ARFGAP2: variants seen among roughly 807,000 people sequenced by gnomAD.
The protein encoded by ARFGAP2 is ARF GTPase activating protein 2.
A neutral mutation model predicts 71.9 loss-of-function variants in ARFGAP2; 45 were observed. The ratio of observed to expected loss-of-function variants is 0.63; its 90% CI spans 0.49 to 0.80. The LOEUF is 0.80. Among genes scored for constraint, ARFGAP2 ranks in the 30% least tolerant of loss-of-function variants. ARFGAP2 has a pLI of 0.00. For synonymous variants in ARFGAP2, 248 were observed against 249.2 expected (o/e 1.00, Z 0.05); for missense variants, 633 against 673.9 (o/e 0.94, Z 0.67).
chr11:47,176,267 C>T lies in ARFGAP2; in HGVS notation c.191+249G>A, dbSNP rs142186729. The T allele has an allele frequency of 8.1e-4, 482 of 592,782 alleles. 5 individuals carry two copies. The highest frequency in any genetic ancestry group is 8.0e-3 in the African/African-American group (434 of 53,918). The allele number at this position is 592,782 out of a possible 1,614,324, so 36.7% of individuals were successfully genotyped here. ...GGTCAATGCCTCCCTTTCCCCTCAA[C>T]TAACGCTCAGAGTCTCAAGCCTGAC... On this transcript the variant is annotated intron_variant, in intron 2 of 15. Coordinates refer to ENST00000524782, the MANE Select transcript of ARFGAP2 (RefSeq NM_032389.6).
At chr11:47,172,199 T>G in intron 8 of ARFGAP2, 82 bp downstream of exon 8, 1 of 1,356,444 alleles carries the variant, frequency 7.4e-7, no homozygotes, top group Non-Finnish European at 1.0e-6. Flanking sequence ...ATATAGCTGG[T>G]AAGTGGTAAG....
At chr11:47,168,398 C>T (rs1318235192) in intron 10 of ARFGAP2, 147 bp from the exon 11 acceptor site, 1 of 1,052,476 alleles carries the variant, frequency 9.5e-7, no homozygotes, top group African/African-American at 1.6e-5. Context: ...CTGGGCCAGA[C>T]CCCAACAGAA....
At chr11:47,174,968 T>C (rs528101745) in intron 5 of ARFGAP2, 47 bp downstream of exon 5, 8 of 1,596,942 alleles carry the variant, frequency 5.0e-6, no homozygotes, top group South Asian at 3.3e-5. Flanking sequence ...CCTTGGTAAA[T>C]TGCCTGTCAA....
intron 5 of ARFGAP2, 95 bp downstream of exon 5, chr11:47,174,920 C>T (rs916704075): frequency 7.4e-6 from 10 of 1,351,080 alleles, no homozygotes; most frequent in African/African-American, 5.8e-5. Flanking sequence ...CACATCAAAG[C>T]AAATGGAATC....
In ARFGAP2 at chr11:47,164,351, C is replaced by T. The variant is rs1952269184; in HGVS notation, c.*1131G>A. The T allele has an allele frequency of 3.1e-6, 4 of 1,296,250 alleles. No homozygotes were observed. Among genetic ancestry groups the T allele is most frequent in the South Asian group, 1.6e-5 (1 of 63,964 alleles). 80.3% of individuals were successfully genotyped at this position (1,296,250 alleles called of 1,614,324 possible). On this transcript the variant is annotated 3_prime_UTR_variant, in exon 16 of 16. Transcript: ENST00000524782. ...GCCCTGCAGGGGCTTTATTTTGACA[C>T]CACTTTGTTTCAATACAAACAGTCC...
intron 10 of ARFGAP2, among the ~76,000 whole-genome samples, chr11:47,170,146 G>A (rs890254761): frequency 3.9e-5 from 6 of 152,082 alleles, no homozygotes; most frequent in African/African-American, 1.4e-4. Context: ...GCAACATGGT[G>A]AAACCCCATC....
At chr11:47,168,333 G>A in intron 10 of ARFGAP2, 82 bp from the exon 11 acceptor site, 1 of 1,585,570 alleles carries the variant, frequency 6.3e-7, no homozygotes, top group Non-Finnish European at 8.6e-7. Flanking sequence ...CCAGCAACTG[G>A]GTTCTCCTTC....
In ARFGAP2 at chr11:47,172,393, GTA is replaced by G. The variant is rs1491323962; in HGVS notation, c.620-62_620-61del. 6 of 1,564,922 alleles carry G rather than the reference GTA, an allele frequency of 3.8e-6. No homozygotes were observed. In the Admixed American group the frequency reaches 1.0e-4, roughly 26 times the overall value. ...AAGGCAGCTCAGAGGCAGTAGCTCA[GTA>G]TACACCATGCAGCTTCATGGCAAGA... is the stretch of plus-strand genomic sequence containing the variant. On this transcript the variant is annotated intron_variant, in intron 7 of 15. Coordinates refer to ENST00000524782, the MANE Select transcript of ARFGAP2 (RefSeq NM_032389.6).
chr11:47,174,834 C>T (rs973097268), intron 5 of ARFGAP2, 181 bp downstream of exon 5: 104 of 685,994 alleles, frequency 1.5e-4, no homozygotes, highest in Non-Finnish European at 2.4e-4. Context: ...CTACACTGCA[C>T]CTCCATTTAT....
At chr11:47,166,019 C>G (rs1008318659) in intron 15 of ARFGAP2, among the ~76,000 whole-genome samples, 4 of 152,186 alleles carry the variant, frequency 2.6e-5, no homozygotes. Flanking sequence ...TGCACGCCAT[C>G]ATGCCCAGCT....
At chr11:47,170,467 G>A (rs1411456529) in intron 10 of ARFGAP2, among the ~76,000 whole-genome samples, 2 of 152,020 alleles carry the variant, frequency 1.3e-5, no homozygotes, top group African/African-American at 2.4e-5. Flanking sequence ...CCAACATGGT[G>A]AAACCCCATC....
At position 47,176,813 on chromosome 11, in the gene ARFGAP2, A is replaced by G; in HGVS notation, c.41T>C (p.Phe14Ser). The change falls in exon 1 of 16, where the codon TTT becomes TCT. Residue 14 changes from phenylalanine (F) to serine (S), a missense_variant. Coordinates refer to ENST00000524782, the MANE Select transcript of ARFGAP2 (RefSeq NM_032389.6). ...GGTTGGAACTGCGCGAAGCCTCTTA[A>G]AAAGAGTCTGGATTTCGGTCTTGTT... ...EPNKTEIQTL[F>S]KRLRAVPTNK... 2.5e-6 allele frequency: 4 copies of G among 1,614,052 alleles called. No homozygotes were observed. The highest frequency in any genetic ancestry group is 3.4e-6 in the Non-Finnish European group (4 of 1,179,998).
chr11:47,173,641 G>C lies in ARFGAP2; in HGVS notation c.562+118C>G, dbSNP rs910620551. On this transcript the variant is annotated intron_variant, in intron 6 of 15. Transcript: ENST00000524782. Reference sequence around the variant, plus strand: ...CCTCCAAGGATTAAAATGAATCCCGGCCCACCCAAAGATACAGGAGGACCC... The same window carrying C: ...CCTCCAAGGATTAAAATGAATCCCGCCCCACCCAAAGATACAGGAGGACCC... The C allele has an allele frequency of 6.3e-6, 9 of 1,429,360 alleles. No individual in the cohort carries two copies. In the African/African-American group the frequency reaches 1.0e-4, roughly 16 times the overall value. The allele number at this position is 1,429,360 out of a possible 1,614,324, so 88.5% of individuals were successfully genotyped here.
At chr11:47,174,874 AG>A in intron 5 of ARFGAP2, 140 bp downstream of exon 5, 5 of 862,712 alleles carry the variant, frequency 5.8e-6, no homozygotes, top group Non-Finnish European at 9.4e-6. Context: ...CCTACCCAGC[AG>A]GAACAGTGGA....
intron 14 of ARFGAP2, 50 bp downstream of exon 14, chr11:47,166,456 G>A (rs758334528): frequency 2.5e-5 from 40 of 1,611,532 alleles, no homozygotes; most frequent in African/African-American, 5.3e-5. Flanking sequence ...GGGCCCTCCC[G>A]CCCTGCTCCC....
chr11:47,165,378 G>T lies in ARFGAP2; in HGVS notation c.*104C>A. 4.8e-6 allele frequency: 7 copies of T among 1,448,136 alleles called. No individual in the cohort carries two copies. 89.7% of individuals were successfully genotyped at this position (1,448,136 alleles called of 1,614,324 possible). On this transcript the variant is annotated 3_prime_UTR_variant, in exon 16 of 16. Transcript: ENST00000524782. Reference sequence around the variant, plus strand: ...CCCACACACACACCACACATACGAAGTAACAAATCCTCCCCAGCTTCCACA... The same window carrying T: ...CCCACACACACACCACACATACGAATTAACAAATCCTCCCCAGCTTCCACA...
At position 47,171,430 on chromosome 11, in the gene ARFGAP2, G is replaced by A. The variant is rs1565127727; in HGVS notation, c.937C>T (p.Arg313Ter). ...ACACCCGGAGCTGAGCCTCACCTTC[G>A]GGATACCAAGCCCATGCCCAACCTT... The part of the protein sequence containing the change: ...AERLGMGLVS[R>*]SSVSHSVLSE... The change falls in exon 10 of 16, where the codon CGA (arginine) becomes TGA (stop). Residue 313 changes from arginine (R) to a stop codon, truncating the protein, a stop_gained. Coordinates refer to ENST00000524782, the MANE Select transcript of ARFGAP2 (RefSeq NM_032389.6). LOFTEE classifies it high-confidence loss of function. 2.5e-6 allele frequency: 4 copies of A among 1,614,088 alleles called. No homozygotes were observed. Among genetic ancestry groups the A allele is most frequent in the Non-Finnish European group, 2.5e-6 (3 of 1,179,988 alleles).
intron 1 of ARFGAP2, 41 bp from the exon 2 acceptor site, chr11:47,176,675 A>T (rs765536262): frequency 1.9e-6 from 3 of 1,612,038 alleles, no homozygotes; most frequent in South Asian, 1.1e-5. Flanking sequence ...AGGGGCCCCG[A>T]GTAAAGGCCA....
chr11:47,171,410 C>T lies in ARFGAP2; in HGVS notation c.941+16G>A, dbSNP rs575420278. ...AACAACGGCATTTCCCTGCCACACC[C>T]GGAGCTGAGCCTCACCTTCGGGATA... is the stretch of plus-strand genomic sequence containing the variant. On this transcript the variant is annotated intron_variant, in intron 10 of 15. Coordinates refer to ENST00000524782, the MANE Select transcript of ARFGAP2 (RefSeq NM_032389.6). 48 of 1,613,720 alleles carry T rather than the reference C, an allele frequency of 3.0e-5. No homozygotes were observed. In the East Asian group the frequency reaches 8.2e-4, roughly 28 times the overall value.
Sources: allele counts gnomAD v4.1 joint callset (sites outside exome capture counted in the v4.1 genomes callset), GRCh38; gene constraint gnomAD v4.1.1; transcripts MANE v1.5; gene names NCBI Gene and HGNC (gene_info 2026-07-23, HGNC 2026-07-21).